The following SNTG2 variants were observed in gnomAD, a reference collection of about 807,000 sequenced individuals.
SNTG2 encodes gamma-2-syntrophin.
SNTG2 carries 74 observed loss-of-function variants against 70.9 expected under a neutral mutation model. The ratio of observed to expected loss-of-function variants is 1.04; its 90% CI spans 0.86 to 1.27. The LOEUF (loss-of-function observed/expected upper bound fraction) is 1.27. Ranked by LOEUF, SNTG2 falls within the 50% of genes most tolerant of loss-of-function variation. The probability of loss-of-function intolerance (pLI) is 0.00; values close to 1 mark genes in which losing one functional copy is unlikely to be tolerated. For missense variants in SNTG2, 717 were observed against 690.7 expected, an observed-to-expected ratio of 1.04 and a Z score of -0.43; for synonymous variants, 278 against 273.8, an observed-to-expected ratio of 1.02 and a Z score of -0.15.
Position 1,255,935 on chromosome 2 carries a change from A to AATATATAT in SNTG2, c.1006-3427_1006-3420dup, listed in dbSNP as rs66538518. On this transcript the variant is annotated intron_variant, in intron 12 of 16. Coordinates refer to ENST00000308624, the MANE Select transcript of SNTG2 (RefSeq NM_018968.4). ...ATATATATAAATATATAAATATATA[A>AATATATAT]ATATATATATATATAACTACATGTG... 5.9e-4 allele frequency among the ~76,000 whole-genome samples: 34 copies of AATATATAT among 57,886 alleles called. 1 individual carries two copies. The highest frequency in any genetic ancestry group is 8.5e-4 in the Non-Finnish European group (28 of 32,840). 38.0% of individuals were successfully genotyped at this position (57,886 alleles called of 152,430 possible). A position where few individuals can be genotyped will look rare whatever the true frequency, so the allele number is the denominator to read the frequency against.
chr2:1,267,087 C>T (rs1002322720), intron 13 of SNTG2, among the ~76,000 whole-genome samples: 1 of 152,114 alleles, frequency 6.6e-6, no homozygotes, highest in Non-Finnish European at 1.5e-5. Flanking sequence ...TTCTCTTCAC[C>T]GTAAAACAGG....
chr2:1,240,910 C>T (rs1026475746), intron 11 of SNTG2, among the ~76,000 whole-genome samples: 5 of 152,140 alleles, frequency 3.3e-5, no homozygotes, highest in Non-Finnish European at 7.4e-5. Context: ...GGATTCATTT[C>T]ATATTCTTAT....
intron 12 of SNTG2, among the ~76,000 whole-genome samples, chr2:1,247,806 C>A (rs1168473192): frequency 6.6e-6 from 1 of 152,070 alleles, no homozygotes; most frequent in African/African-American, 2.4e-5. Context: ...TAGACGTTTC[C>A]AATTTCTAAA....
chr2:1,232,552 C>CCT (rs1329741786), intron 9 of SNTG2, among the ~76,000 whole-genome samples: 1 of 152,132 alleles, frequency 6.6e-6, no homozygotes, highest in Non-Finnish European at 1.5e-5. Flanking sequence ...CTGGCCTCAG[C>CCT]CTCTCAAAGT....
chr2:1,232,165 A>G (rs758032368), intron 9 of SNTG2, among the ~76,000 whole-genome samples: 75 of 152,120 alleles, frequency 4.9e-4, no homozygotes, highest in Non-Finnish European at 6.2e-4. Context: ...GTTCTCATGA[A>G]CCAATGGGAA....
chr2:989,963 G>A (rs894926826), intron 1 of SNTG2, among the ~76,000 whole-genome samples: 6 of 152,262 alleles, frequency 3.9e-5, no homozygotes, highest in African/African-American at 1.4e-4. Context: ...GTCCAGGACA[G>A]GGGTGGCATC....
intron 6 of SNTG2, among the ~76,000 whole-genome samples, chr2:1,157,025 G>T (rs960289371): frequency 2.6e-5 from 4 of 152,254 alleles, no homozygotes; most frequent in African/African-American, 9.6e-5. Context: ...AAAGTCATTT[G>T]CTCCAGGAAG....
intron 1 of SNTG2, among the ~76,000 whole-genome samples, chr2:1,037,903 G>A (rs1487842803): frequency 1.3e-5 from 2 of 152,154 alleles, no homozygotes; most frequent in Non-Finnish European, 2.9e-5. Flanking sequence ...GCTGTGGACG[G>A]TGGTGTTCAA....
At chr2:1,357,001 T>G (rs972709662) in intron 16 of SNTG2, among the ~76,000 whole-genome samples, 1 of 152,132 alleles carries the variant, frequency 6.6e-6, no homozygotes, top group Non-Finnish European at 1.5e-5. Flanking sequence ...GCAACTTTAT[T>G]GTGTGTATCA....
intron 1 of SNTG2, among the ~76,000 whole-genome samples, chr2:1,052,673 C>T (rs4581927): frequency 0.13 from 19,156 of 152,230 alleles, 1,416 homozygotes; most frequent in African/African-American, 0.2. Flanking sequence ...ACCTTAGGAT[C>T]ACTGGCCATG....
At chr2:1,150,487 A>G (rs548461438) in intron 6 of SNTG2, among the ~76,000 whole-genome samples, 2 of 152,304 alleles carry the variant, frequency 1.3e-5, no homozygotes, top group South Asian at 4.2e-4. Context: ...CGTGCAGCCC[A>G]GAGGGTCTTC....
intron 14 of SNTG2, among the ~76,000 whole-genome samples, chr2:1,276,459 A>C (rs1335019118): frequency 2.0e-5 from 3 of 152,324 alleles, no homozygotes; most frequent in African/African-American, 7.2e-5. Flanking sequence ...TATAAATAAA[A>C]CCACAAAGCC....
chr2:961,238 GCT>G (rs746361555), intron 1 of SNTG2, among the ~76,000 whole-genome samples: 10 of 152,248 alleles, frequency 6.6e-5, no homozygotes, highest in Admixed American at 4.6e-4. Flanking sequence ...ACGGTGTCTT[GCT>G]CTGTTACCCA....
intron 16 of SNTG2, among the ~76,000 whole-genome samples, chr2:1,362,930 G>A (rs11683794): frequency 0.72 from 107,904 of 150,164 alleles, 38,987 homozygotes; most frequent in East Asian, 0.94. Flanking sequence ...GAAGGTCACC[G>A]ATGCTGAGCA....
chr2:1,056,274 G>C lies in SNTG2; in HGVS notation c.73-27244G>C, dbSNP rs1385651704. Among the ~76,000 whole-genome samples the C allele has an allele frequency of 1.4e-3, 112 of 79,572 alleles. 4 individuals carry two copies. Among genetic ancestry groups the C allele is most frequent in the African/African-American group, 6.0e-3 (106 of 17,594 alleles). The allele number at this position is 79,572 out of a possible 152,430, so 52.2% of individuals were successfully genotyped here. On this transcript the variant is annotated intron_variant, in intron 1 of 16. Transcript: ENST00000308624. Reference sequence around the variant, plus strand: ...ACTGTGCTGTGGGGAGGGAGGGAGGGAGAGGCCGCGCCGTGCTGTGGGGAG... The same window carrying C: ...ACTGTGCTGTGGGGAGGGAGGGAGGCAGAGGCCGCGCCGTGCTGTGGGGAG...
At chr2:1,174,304 A>C (rs1030199021) in intron 8 of SNTG2, among the ~76,000 whole-genome samples, 1 of 151,244 alleles carries the variant, frequency 6.6e-6, no homozygotes, top group Admixed American at 6.6e-5. Context: ...ATATATATAT[A>C]TATATGTAAA....
At chr2:1,063,016 A>AT (rs1662924331) in intron 1 of SNTG2, among the ~76,000 whole-genome samples, 1 of 152,214 alleles carries the variant, frequency 6.6e-6, no homozygotes, top group Non-Finnish European at 1.5e-5. Flanking sequence ...GTTCGTTGAT[A>AT]TGAAATAACT....
chr2:1,117,273 G>A (rs781523327), intron 4 of SNTG2, among the ~76,000 whole-genome samples: 3 of 152,130 alleles, frequency 2.0e-5, no homozygotes, highest in African/African-American at 7.2e-5. Context: ...GCCTTGGATT[G>A]TTTAATAGAG....
At chr2:1,040,780 AAGT>A (rs1661392646) in intron 1 of SNTG2, among the ~76,000 whole-genome samples, 1 of 152,238 alleles carries the variant, frequency 6.6e-6, no homozygotes. Flanking sequence ...ATGACAGTGT[AAGT>A]AGCAGAATAA....
Sources: gnomAD v4.1 joint callset for allele counts (sites outside exome capture counted in the v4.1 genomes callset) on GRCh38, gnomAD v4.1.1 for gene constraint, MANE v1.5 for transcripts, NCBI Gene and HGNC (gene_info 2026-07-23, HGNC 2026-07-21) for gene names.